The following WSCD2 variants were observed in gnomAD, a reference collection of about 807,000 sequenced individuals.
WSCD2 encodes sialate:O-sulfotransferase 2.
Under a neutral mutation model 55.7 loss-of-function variants are expected in WSCD2, and 28 were observed. That is an observed-to-expected ratio of 0.50 (90% CI 0.37 to 0.69). The LOEUF is 0.69. WSCD2 is among the 30% of genes least tolerant of loss of function. WSCD2 has a pLI of 0.00. For synonymous variants in WSCD2, 301 were observed against 301.9 expected (o/e 1.00, Z 0.03); for missense variants, 616 against 762.1 (o/e 0.81, Z 2.26).
chr12:108,177,564 A>G (rs1881055903), intron 1 of WSCD2, among the ~76,000 whole-genome samples: 1 of 152,132 alleles, frequency 6.6e-6, no homozygotes, highest in South Asian at 2.1e-4. Flanking sequence ...GGGTTTTTAT[A>G]TGGCACAAAT....
chr12:108,219,045 G>T (rs1343755740), intron 4 of WSCD2, among the ~76,000 whole-genome samples: 1 of 152,180 alleles, frequency 6.6e-6, no homozygotes, highest in African/African-American at 2.4e-5. Context: ...GTGGCATTGA[G>T]CTGGGCTCAT....
intron 4 of WSCD2, among the ~76,000 whole-genome samples, chr12:108,214,396 C>T (rs1565973391): frequency 6.6e-6 from 1 of 152,170 alleles, no homozygotes; most frequent in Non-Finnish European, 1.5e-5. Context: ...CTGCAGGCAC[C>T]CTGCTATTCT....
intron 2 of WSCD2, among the ~76,000 whole-genome samples, chr12:108,203,078 T>C (rs1018756037): frequency 6.6e-6 from 1 of 152,186 alleles, no homozygotes; most frequent in South Asian, 2.1e-4. Flanking sequence ...TGGACATGGA[T>C]TTGGTCTGAG....
chr12:108,144,613 G>A (rs904630855), intron 1 of WSCD2, among the ~76,000 whole-genome samples: 1 of 152,242 alleles, frequency 6.6e-6, no homozygotes, highest in African/African-American at 2.4e-5. Context: ...TTTTTCATCC[G>A]TAGCATGGAG....
Position 108,248,411 on chromosome 12 carries a change from T to A in WSCD2, c.*68T>A, listed in dbSNP as rs1050879407. On this transcript the variant is annotated 3_prime_UTR_variant, in exon 9 of 9. Coordinates refer to ENST00000547525, the MANE Select transcript of WSCD2 (RefSeq NM_014653.4). This position sits in a 1 kb window ranked among gnomAD's most constrained non-coding sequence, Gnocchi z 4.3. ...GCAGGCCCTGGGGACTCAAGACCCC[T>A]GGTTACCCCCACTCATCTGTCCTCT... 1 of 1,535,654 alleles carries A rather than the reference T, an allele frequency of 6.5e-7. No individual in the cohort carries two copies. Among genetic ancestry groups the A allele is most frequent in the South Asian group, 1.3e-5 (1 of 78,624 alleles).
chr12:108,234,158 C>CA (rs892758005), intron 7 of WSCD2, among the ~76,000 whole-genome samples: 3 of 151,964 alleles, frequency 2.0e-5, no homozygotes, highest in African/African-American at 7.2e-5. Context: ...ATAAAAATAA[C>CA]AAAAAAATCT....
At chr12:108,192,769 AC>A (rs1883345791) in intron 1 of WSCD2, among the ~76,000 whole-genome samples, 1 of 151,928 alleles carries the variant, frequency 6.6e-6, no homozygotes, top group Non-Finnish European at 1.5e-5. Flanking sequence ...CTTTTGCAAG[AC>A]CTACTGGCTC....
At chr12:108,156,767 G>A (rs1379713684) in intron 1 of WSCD2, among the ~76,000 whole-genome samples, 2 of 152,184 alleles carry the variant, frequency 1.3e-5, no homozygotes, top group South Asian at 2.1e-4. Flanking sequence ...TCATTACTGA[G>A]GCTCCTCGCT....
intron 1 of WSCD2, among the ~76,000 whole-genome samples, chr12:108,166,767 T>TTC (rs1831465137): frequency 2.0e-5 from 3 of 147,740 alleles, no homozygotes; most frequent in African/African-American, 7.6e-5. Flanking sequence ...TTTCTTTTCT[T>TTC]TCTTTCTTTC....
intron 6 of WSCD2, among the ~76,000 whole-genome samples, chr12:108,229,607 G>A (rs534709894): frequency 1.3e-5 from 2 of 152,348 alleles, no homozygotes; most frequent in South Asian, 4.1e-4. Flanking sequence ...ATGTCACACA[G>A]GTAGGCCATG....
chr12:108,180,617 A>G (rs1384067420), intron 1 of WSCD2, among the ~76,000 whole-genome samples: 1 of 152,254 alleles, frequency 6.6e-6, no homozygotes, highest in African/African-American at 2.4e-5. Context: ...AGCAAGAGCC[A>G]GAGGAACAGA....
intron 8 of WSCD2, chr12:108,244,682 T>G: frequency 1.5e-6 from 1 of 688,582 alleles, no homozygotes; most frequent in Non-Finnish European, 2.7e-6. Flanking sequence ...AGGAGCTGGG[T>G]CCTGAACCCC....
At chr12:108,218,517 GC>G (rs1298471291) in intron 4 of WSCD2, among the ~76,000 whole-genome samples, 1 of 152,208 alleles carries the variant, frequency 6.6e-6, no homozygotes, top group African/African-American at 2.4e-5. Flanking sequence ...AGTGGACTGA[GC>G]CCAAAAGATG....
intron 1 of WSCD2, among the ~76,000 whole-genome samples, chr12:108,170,562 AT>A (rs2136966570): frequency 6.6e-6 from 1 of 152,350 alleles, no homozygotes; most frequent in African/African-American, 2.4e-5. Flanking sequence ...ATCTATGGTC[AT>A]TGAATCCACC....
chr12:108,163,558 T>C lies in WSCD2; in HGVS notation c.-551-31724T>C, dbSNP rs139976807. ...GCAGACGTAAATGAGTTAAGAATCT[T>C]GAGATGGGATATTATCCTGGATTCT... On this transcript the variant is annotated intron_variant, in intron 1 of 8. Transcript: ENST00000547525. Among the ~76,000 whole-genome samples, 39 of 152,198 alleles carry C rather than the reference T, an allele frequency of 2.6e-4. No homozygotes were observed. The East Asian group carries it at 7.0e-3, about 27-fold the overall frequency.
chr12:108,174,015 C>T (rs929606476), intron 1 of WSCD2, among the ~76,000 whole-genome samples: 7 of 152,098 alleles, frequency 4.6e-5, no homozygotes, highest in African/African-American at 1.4e-4. Context: ...CCCCGTTATG[C>T]ACTTTACAGC....
At chr12:108,237,994 T>G (rs1311826678) in intron 7 of WSCD2, among the ~76,000 whole-genome samples, 1 of 152,240 alleles carries the variant, frequency 6.6e-6, no homozygotes. Flanking sequence ...GCCTGTGTTT[T>G]CCATTGCTGT....
At position 108,246,536 on chromosome 12, in the gene WSCD2, C is replaced by T. The variant is rs112374846; in HGVS notation, c.1346-1455C>T. ...CATCCAGGTTCCCCTTCTGCACTTT[C>T]CCCAGCTCCTCCTTCTGCGGGAGTT... On this transcript the variant is annotated intron_variant, in intron 8 of 8. Coordinates refer to ENST00000547525, the MANE Select transcript of WSCD2 (RefSeq NM_014653.4). Among the ~76,000 whole-genome samples, 751 of 152,250 alleles carry T rather than the reference C, an allele frequency of 4.9e-3. 10 individuals are homozygous for T. The highest frequency in any genetic ancestry group is 0.018 in the African/African-American group (730 of 41,550).
At chr12:108,145,131 C>T (rs1444943376) in intron 1 of WSCD2, among the ~76,000 whole-genome samples, 6 of 152,244 alleles carry the variant, frequency 3.9e-5, no homozygotes, top group Non-Finnish European at 8.8e-5. Flanking sequence ...CCCCCAGCTC[C>T]TTAAACACAC....
Sources: allele counts gnomAD v4.1 joint callset (sites outside exome capture counted in the v4.1 genomes callset), GRCh38; gene constraint gnomAD v4.1.1; non-coding constraint Gnocchi (gnomAD v3.1); transcripts MANE v1.5; gene names NCBI Gene and HGNC (gene_info 2026-07-23, HGNC 2026-07-21).